RASA3: variants seen among roughly 807,000 people sequenced by gnomAD.
The protein encoded by RASA3 is RAS p21 protein activator 3, also known as ras GTPase-activating protein 3.
Under a neutral mutation model 110.0 loss-of-function variants are expected in RASA3, and 73 were observed. The observed-to-expected ratio is 0.66, with a 90% CI of 0.55 to 0.81. The LOEUF is 0.81. RASA3 is among the 30% of genes least tolerant of loss of function. The probability of loss-of-function intolerance (pLI) is 0.00; values close to 1 mark genes in which losing one functional copy is unlikely to be tolerated. For missense variants in RASA3, 976 were observed against 1,113.2 expected (o/e 0.88, Z 1.75); for synonymous variants, 500 against 451.4 (o/e 1.11, Z -1.37).
intron 2 of RASA3, among the ~76,000 whole-genome samples, chr13:114,067,905 C>A (rs886277978): frequency 2.0e-5 from 3 of 152,230 alleles, no homozygotes; most frequent in African/African-American, 7.2e-5. Flanking sequence ...AACACACAAA[C>A]AAAAGAACAA....
At chr13:114,127,228 T>C (rs1233491524) in intron 1 of RASA3, among the ~76,000 whole-genome samples, 2 of 152,214 alleles carry the variant, frequency 1.3e-5, no homozygotes, top group African/African-American at 2.4e-5. Flanking sequence ...AAGAAGCAAG[T>C]CAAAGTGTTT....
rs931674048 is a variant in RASA3, at chr13:114,014,182, C to T, written c.1406-934G>A. Among the ~76,000 whole-genome samples the T allele has an allele frequency of 6.6e-6, 1 of 152,172 alleles. No individual in the cohort carries two copies. Among genetic ancestry groups the T allele is most frequent in the Non-Finnish European group, 1.5e-5 (1 of 68,028 alleles). Reference sequence around the variant, plus strand: ...CCTCTCTCTCCATCTCTCCCTGTTTCTCTCCATCTCTCATCACCACCACAC... The same window carrying T: ...CCTCTCTCTCCATCTCTCCCTGTTTTTCTCCATCTCTCATCACCACCACAC... On this transcript the variant is annotated intron_variant, in intron 14 of 23. Transcript: ENST00000334062. This position sits in a 1 kb window ranked among gnomAD's most constrained non-coding sequence, Gnocchi z 4.5.
intron 1 of RASA3, among the ~76,000 whole-genome samples, chr13:114,081,204 CA>C (rs2079783882): frequency 6.7e-6 from 1 of 149,456 alleles, no homozygotes; most frequent in Non-Finnish European, 1.5e-5. Flanking sequence ...AGGCTGTTAG[CA>C]ACGGGCCACA....
intron 22 of RASA3, among the ~76,000 whole-genome samples, chr13:113,984,609 C>T (rs2053009350): frequency 1.8e-5 from 1 of 55,638 alleles, no homozygotes; most frequent in African/African-American, 5.6e-5. Flanking sequence ...ACTCACCCAT[C>T]TGTCCATCCA....
chr13:114,025,091 C>T (rs1226067180), intron 7 of RASA3, among the ~76,000 whole-genome samples: 2 of 152,090 alleles, frequency 1.3e-5, no homozygotes, highest in South Asian at 2.1e-4. Context: ...CCTGCGTTTA[C>T]AAGAAGGGCT....
chr13:114,043,191 G>T (rs1173155235), intron 3 of RASA3, among the ~76,000 whole-genome samples: 1 of 152,170 alleles, frequency 6.6e-6, no homozygotes. Flanking sequence ...ATGGGACAGC[G>T]CAAGGTCGGC....
chr13:114,106,294 C>T (rs367919344), intron 1 of RASA3, among the ~76,000 whole-genome samples: 21 of 152,294 alleles, frequency 1.4e-4, no homozygotes, highest in African/African-American at 4.1e-4. Context: ...CAAAGAAAGA[C>T]GCTAACGTGC....
intron 22 of RASA3, among the ~76,000 whole-genome samples, chr13:113,982,097 C>T (rs1359775452): frequency 6.6e-6 from 1 of 152,210 alleles, no homozygotes; most frequent in African/African-American, 2.4e-5. Flanking sequence ...GCTGAGCAAC[C>T]TCATTCACCT....
At chr13:114,051,835 G>A (rs1310413362) in intron 3 of RASA3, among the ~76,000 whole-genome samples, 1 of 152,222 alleles carries the variant, frequency 6.6e-6, no homozygotes. Flanking sequence ...GACTGGCAGT[G>A]CTCACTGACC....
intron 4 of RASA3, among the ~76,000 whole-genome samples, chr13:114,038,677 C>T (rs139507429): frequency 0.016 from 2,388 of 152,062 alleles, 28 homozygotes; most frequent in Middle Eastern, 0.037. Flanking sequence ...CCCAGTGAAG[C>T]GCAGAGGATG....
chr13:114,090,185 A>G (rs2079873248), intron 1 of RASA3, among the ~76,000 whole-genome samples: 1 of 152,202 alleles, frequency 6.6e-6, no homozygotes, highest in Admixed American at 6.5e-5. Context: ...CCGCACGGCA[A>G]CAGGTTTAAT....
At chr13:114,024,055 C>T (rs1448920518) in intron 8 of RASA3, among the ~76,000 whole-genome samples, 2 of 152,226 alleles carry the variant, frequency 1.3e-5, no homozygotes, top group Admixed American at 6.5e-5. Context: ...CAGAGGGATG[C>T]GGACCTCTGG....
At chr13:114,100,030 T>C (rs1228597807) in intron 1 of RASA3, among the ~76,000 whole-genome samples, 1 of 144,856 alleles carries the variant, frequency 6.9e-6, no homozygotes, top group Non-Finnish European at 1.5e-5. Context: ...ATTGTCCTAA[T>C]CAAGCAAGAA....
intron 2 of RASA3, among the ~76,000 whole-genome samples, chr13:114,059,168 T>C (rs4883645): frequency 0.72 from 110,153 of 152,060 alleles, 40,811 homozygotes; most frequent in African/African-American, 0.89. Context: ...CAGGGCGAGA[T>C]CCTGTCTCAA....
intron 1 of RASA3, among the ~76,000 whole-genome samples, chr13:114,075,327 T>G (rs116664643): frequency 0.011 from 1,741 of 152,324 alleles, 30 homozygotes; most frequent in African/African-American, 0.039. Context: ...CAAACTGGCA[T>G]GCCAGCAACT....
chr13:114,013,031 A>T, intron 15 of RASA3, 111 bp downstream of exon 15: 1 of 800,806 alleles, frequency 1.2e-6, no homozygotes, highest in Non-Finnish European at 2.0e-6. Context: ...CACACTCCCC[A>T]CGCATTCCAC....
intron 1 of RASA3, among the ~76,000 whole-genome samples, chr13:114,100,682 T>C (rs889479577): frequency 9.2e-5 from 14 of 152,174 alleles, no homozygotes; most frequent in African/African-American, 3.4e-4. Flanking sequence ...GCAAACAGCC[T>C]CAACTCGGAA....
At chr13:114,005,444 G>A (rs1017631131) in intron 18 of RASA3, among the ~76,000 whole-genome samples, 85 of 152,288 alleles carry the variant, frequency 5.6e-4, no homozygotes, top group African/African-American at 2.0e-3. Context: ...GAAACACGGG[G>A]TGGCTGTGGG....
At chr13:114,043,837 G>GCCCCCCCCCCCCCCCCCCCCC (rs544129523) in intron 3 of RASA3, among the ~76,000 whole-genome samples, 2 of 22,826 alleles carry the variant, frequency 8.8e-5, no homozygotes, top group African/African-American at 6.9e-4. Context: ...CACTCGCTGA[G>GCCCCCCCCCCCCCCCCCCCCC]CCCCCCGCCC....
Sources: gnomAD v4.1 joint callset for allele counts (sites outside exome capture counted in the v4.1 genomes callset) on GRCh38, gnomAD v4.1.1 for gene constraint, Gnocchi (gnomAD v3.1) non-coding constraint, MANE v1.5 for transcripts, NCBI Gene and HGNC (gene_info 2026-07-23, HGNC 2026-07-21) for gene names.